Variants in PPP2R2C observed in about 807,000 individuals in gnomAD.
PPP2R2C encodes protein phosphatase 2 regulatory subunit Bgamma, also known as protein phosphatase 2, regulatory subunit B, gamma.
Under a neutral mutation model 45.3 loss-of-function variants are expected in PPP2R2C, and 10 were observed. The ratio of observed to expected loss-of-function variants is 0.22; its 90% confidence interval spans 0.14 to 0.37. The LOEUF is 0.37. Among genes scored for constraint, PPP2R2C ranks in the 10% least tolerant of loss-of-function variants. The probability of loss-of-function intolerance (pLI) is 1.00; values close to 1 mark genes in which losing one functional copy is unlikely to be tolerated. For missense variants in PPP2R2C, 308 were observed against 619.7 expected (o/e 0.50, Z 5.34); for synonymous variants, 257 against 245.4 (o/e 1.05, Z -0.44).
At chr4:6,511,122 T>C (rs1372897917) in intron 2 of PPP2R2C, among the ~76,000 whole-genome samples, 1 of 152,244 alleles carries the variant, frequency 6.6e-6, no homozygotes, top group African/African-American at 2.4e-5. Context: ...ATCTGTAACA[T>C]GGAGATAATA....
intron 1 of PPP2R2C, among the ~76,000 whole-genome samples, chr4:6,559,334 G>A (rs1052266726): frequency 3.9e-5 from 6 of 152,026 alleles, no homozygotes; most frequent in Non-Finnish European, 7.4e-5. Flanking sequence ...AGTGCATAGT[G>A]CCCGTGCAGT....
At chr4:6,527,039 A>G (rs1724230481) in intron 2 of PPP2R2C, among the ~76,000 whole-genome samples, 1 of 152,150 alleles carries the variant, frequency 6.6e-6, no homozygotes, top group Non-Finnish European at 1.5e-5. Flanking sequence ...GAGGAGAAGG[A>G]GCCCAGGCTG....
chr4:6,398,554 CCA>C (rs1717209071), intron 1 of PPP2R2C, among the ~76,000 whole-genome samples: 1 of 152,046 alleles, frequency 6.6e-6, no homozygotes, highest in African/African-American at 2.4e-5. Flanking sequence ...CAACGAGATA[CCA>C]GTGTACACCC....
At chr4:6,443,788 G>A (rs1019652700) in intron 1 of PPP2R2C, among the ~76,000 whole-genome samples, 3 of 151,974 alleles carry the variant, frequency 2.0e-5, no homozygotes, top group Admixed American at 1.3e-4. Context: ...CCCCCCCGGA[G>A]TCCTTGCAGA....
At chr4:6,517,056 AG>A (rs1723848516) in intron 2 of PPP2R2C, among the ~76,000 whole-genome samples, 1 of 152,190 alleles carries the variant, frequency 6.6e-6, no homozygotes, top group African/African-American at 2.4e-5. Context: ...CCACACTCCC[AG>A]GAATAACTGT....
chr4:6,525,512 C>T (rs1184463159), intron 2 of PPP2R2C, among the ~76,000 whole-genome samples: 1 of 152,160 alleles, frequency 6.6e-6, no homozygotes, highest in African/African-American at 2.4e-5. Context: ...AAAAAAAAAC[C>T]TGAGTTCCAG....
chr4:6,462,406 G>T (rs922491106), intron 1 of PPP2R2C, among the ~76,000 whole-genome samples: 1 of 152,200 alleles, frequency 6.6e-6, no homozygotes, highest in Non-Finnish European at 1.5e-5. Context: ...TTGAACCCGG[G>T]AGGCGGGGGT....
intron 1 of PPP2R2C, among the ~76,000 whole-genome samples, chr4:6,441,743 G>A (rs1006847039): frequency 2.0e-5 from 3 of 152,220 alleles, no homozygotes; most frequent in Non-Finnish European, 4.4e-5. Context: ...GGGTGGTGCT[G>A]TAGAAAGGAG....
intron 1 of PPP2R2C, chr4:6,382,906 C>T: frequency 9.2e-7 from 1 of 1,088,128 alleles, no homozygotes; most frequent in Non-Finnish European, 1.1e-6. Context: ...CCTCCAGCGG[C>T]TCCCATTGTG....
rs557940293 is a variant in PPP2R2C, at chr4:6,560,982, T to C, written c.-59+2578A>G. ...CAGTGTCACTGCTGCCCTCCTCCCC[T>C]GGCAGGGGTCTGGGTCTAGGAGTGT... On this transcript the variant is annotated intron_variant, in intron 1 of 9. Transcript: ENST00000506140. Among the ~76,000 whole-genome samples the C allele has an allele frequency of 5.3e-5, 8 of 152,304 alleles. No individual in the cohort carries two copies. In the South Asian group the frequency reaches 1.7e-3, roughly 32 times the overall value.
intron 1 of PPP2R2C, among the ~76,000 whole-genome samples, chr4:6,538,865 G>A (rs1382903666): frequency 6.6e-6 from 1 of 152,200 alleles, no homozygotes; most frequent in African/African-American, 2.4e-5. Context: ...CCTTGTCGGT[G>A]TATCACTGCT....
At chr4:6,548,033 C>A (rs927640430) in intron 1 of PPP2R2C, among the ~76,000 whole-genome samples, 1 of 152,024 alleles carries the variant, frequency 6.6e-6, no homozygotes, top group East Asian at 1.9e-4. Flanking sequence ...GCCTGGCCAA[C>A]GTGGTGAAAC....
intron 1 of PPP2R2C, among the ~76,000 whole-genome samples, chr4:6,386,833 G>A (rs545385225): frequency 1.7e-3 from 257 of 152,274 alleles, no homozygotes; most frequent in Middle Eastern, 6.8e-3. Context: ...GTTAAAAGAC[G>A]TAAAGAAAAT....
rs1324637115 is a variant in PPP2R2C, at chr4:6,329,904, A to T, written c.961-551T>A. Reference sequence around the variant, plus strand: ...TCAAACTTAAAGTGATAAGAGGGCGAACCTCACAGTGGTTCTGGCATTAAG... The same window carrying T: ...TCAAACTTAAAGTGATAAGAGGGCGTACCTCACAGTGGTTCTGGCATTAAG... On this transcript the variant is annotated intron_variant, in intron 7 of 8. Coordinates refer to ENST00000382599, the MANE Select transcript of PPP2R2C (RefSeq NM_020416.4). This position sits in a 1 kb window ranked among gnomAD's most constrained non-coding sequence, Gnocchi z 5.8. Among the ~76,000 whole-genome samples the T allele has an allele frequency of 6.6e-6, 1 of 152,192 alleles. No individual in the cohort carries two copies. The highest frequency in any genetic ancestry group is 1.9e-4 in the East Asian group (1 of 5,198).
At chr4:6,382,301 G>C in intron 1 of PPP2R2C, 1 of 1,280,082 alleles carries the variant, frequency 7.8e-7, no homozygotes, top group Non-Finnish European at 1.0e-6. Flanking sequence ...GGATTCTGTA[G>C]TCTCCAAAAT....
chr4:6,429,092 CAT>C (rs1560541418), intron 1 of PPP2R2C, among the ~76,000 whole-genome samples: 16 of 1,182 alleles, frequency 0.014, no homozygotes, highest in Non-Finnish European at 0.029. Flanking sequence ...TGTGTAGATA[CAT>C]GCCATGTGTA....
At chr4:6,532,243 C>A (rs1724428798) in intron 2 of PPP2R2C, among the ~76,000 whole-genome samples, 1 of 152,226 alleles carries the variant, frequency 6.6e-6, no homozygotes, top group South Asian at 2.1e-4. Flanking sequence ...TGATCATCAT[C>A]CCCAGTCCAT....
At position 6,399,381 on chromosome 4, in the gene PPP2R2C, C is replaced by G. The variant is rs113881480; in HGVS notation, c.71-18287G>C. 4.8e-3 allele frequency among the ~76,000 whole-genome samples: 732 copies of G among 152,310 alleles called. 5 individuals are homozygous for G. The highest frequency in any genetic ancestry group is 0.017 in the African/African-American group (687 of 41,576). On this transcript the variant is annotated intron_variant, in intron 1 of 8. Transcript: ENST00000382599. ...GCTAATTTAATCCCCTCAACGTAAT[C>G]GAGTCCACCACCCAAGCAATCGCAT...
At chr4:6,508,652 A>C (rs1330439229) in intron 2 of PPP2R2C, among the ~76,000 whole-genome samples, 1 of 152,116 alleles carries the variant, frequency 6.6e-6, no homozygotes, top group African/African-American at 2.4e-5. Context: ...GCTTCCTGAC[A>C]GGATCTGAGT....
Sources: gnomAD v4.1 joint callset for allele counts (sites outside exome capture counted in the v4.1 genomes callset) on GRCh38, gnomAD v4.1.1 for gene constraint, Gnocchi (gnomAD v3.1) non-coding constraint, MANE v1.5 for transcripts, NCBI Gene and HGNC (gene_info 2026-07-23, HGNC 2026-07-21) for gene names.